RALYL: variants seen among roughly 807,000 people sequenced by gnomAD.
RALYL encodes RNA-binding Raly-like protein.
In RALYL, 29 loss-of-function variants were observed where a neutral mutation model predicts 35.1. That is an observed-to-expected ratio of 0.83 (90% CI 0.61 to 1.13). The LOEUF (loss-of-function observed/expected upper bound fraction) is 1.13, where lower values mean the gene tolerates loss of function less well. Among genes scored for constraint, RALYL ranks in the 50% most tolerant of loss-of-function variants. RALYL has a pLI of 0.00. For missense variants in RALYL, 359 were observed against 360.4 expected, an observed-to-expected ratio of 1.00 and a Z score of 0.03; for synonymous variants, 120 against 127.6, an observed-to-expected ratio of 0.94 and a Z score of 0.40.
At chr8:84,309,548 G>T (rs1051957614) in intron 1 of RALYL, among the ~76,000 whole-genome samples, 1 of 151,996 alleles carries the variant, frequency 6.6e-6, no homozygotes, top group African/African-American at 2.4e-5. Flanking sequence ...TAATGAAAAT[G>T]CTGAATATCC....
intron 4 of RALYL, among the ~76,000 whole-genome samples, chr8:84,815,076 G>GA (rs1290067431): frequency 6.6e-6 from 1 of 152,178 alleles, no homozygotes; most frequent in South Asian, 2.1e-4. Context: ...AGTCCCTTCA[G>GA]AAAATCTTCG....
At chr8:84,185,804 C>G (rs1006177899) in intron 1 of RALYL, among the ~76,000 whole-genome samples, 5 of 152,120 alleles carry the variant, frequency 3.3e-5, no homozygotes, top group Admixed American at 6.5e-5. Flanking sequence ...CTGCAACATA[C>G]AGAGGGGCCC....
chr8:84,328,469 C>G (rs981122534), intron 1 of RALYL, among the ~76,000 whole-genome samples: 1 of 152,156 alleles, frequency 6.6e-6, no homozygotes, highest in East Asian at 1.9e-4. Context: ...TTTCACATGT[C>G]AACAGCAATC....
At chr8:84,387,459 A>G (rs1489013113) in intron 1 of RALYL, among the ~76,000 whole-genome samples, 1 of 151,898 alleles carries the variant, frequency 6.6e-6, no homozygotes, top group Non-Finnish European at 1.5e-5. Context: ...TCCAGGCTGT[A>G]CTTAATTCAG....
intron 1 of RALYL, among the ~76,000 whole-genome samples, chr8:84,453,211 TAC>T (rs2049715386): frequency 6.6e-6 from 1 of 151,874 alleles, no homozygotes; most frequent in South Asian, 2.1e-4. Context: ...TATAAACATA[TAC>T]ATATATACAC....
chr8:84,276,800 T>A (rs939347360), intron 1 of RALYL, among the ~76,000 whole-genome samples: 1 of 152,212 alleles, frequency 6.6e-6, no homozygotes. Context: ...AGAGTTGTAT[T>A]GTGACTGAAG....
chr8:84,462,003 G>A (rs533698049), intron 1 of RALYL, among the ~76,000 whole-genome samples: 1 of 151,758 alleles, frequency 6.6e-6, no homozygotes, highest in South Asian at 2.1e-4. Flanking sequence ...TACCATTACA[G>A]TATCATACAA....
At position 84,388,224 on chromosome 8, in the gene RALYL, T is replaced by A. The variant is rs549878623; in HGVS notation, c.-23-141075T>A. 3.3e-5 allele frequency among the ~76,000 whole-genome samples: 5 copies of A among 152,312 alleles called. No individual in the cohort carries two copies. The South Asian group carries it at 1.0e-3, about 32-fold the overall frequency. ...TCCATGCTGTATATGTGCCACATTTTCTTAATCCAGTCTATCATTGTTGGA... is the reference window on the plus strand; with the variant it reads ...TCCATGCTGTATATGTGCCACATTTACTTAATCCAGTCTATCATTGTTGGA... On this transcript the variant is annotated intron_variant, in intron 1 of 8. Coordinates refer to ENST00000521268, the MANE Select transcript of RALYL (RefSeq NM_173848.7).
intron 8 of RALYL, among the ~76,000 whole-genome samples, chr8:84,889,420 T>C (rs562828739): frequency 1.7e-4 from 26 of 152,282 alleles, no homozygotes; most frequent in African/African-American, 6.3e-4. Flanking sequence ...GCTGACCACT[T>C]CCTTCTTCTG....
intron 1 of RALYL, among the ~76,000 whole-genome samples, chr8:84,409,471 G>T (rs1174243424): frequency 6.6e-6 from 1 of 151,964 alleles, no homozygotes; most frequent in South Asian, 2.1e-4. Context: ...TATTCTGTTG[G>T]TCCACCTGAT....
intron 8 of RALYL, among the ~76,000 whole-genome samples, chr8:84,916,897 C>G (rs1240857595): frequency 6.6e-6 from 1 of 152,016 alleles, no homozygotes; most frequent in Non-Finnish European, 1.5e-5. Context: ...CTTTATAATA[C>G]TTATAGGAAA....
At chr8:84,313,109 TG>T (rs1563716521) in intron 1 of RALYL, among the ~76,000 whole-genome samples, 1 of 152,186 alleles carries the variant, frequency 6.6e-6, no homozygotes, top group Non-Finnish European at 1.5e-5. Context: ...GCTTTGGACT[TG>T]GGCTCCCCTG....
chr8:84,215,265 C>T (rs1820521276), intron 1 of RALYL, among the ~76,000 whole-genome samples: 1 of 152,056 alleles, frequency 6.6e-6, no homozygotes, highest in South Asian at 2.1e-4. Context: ...GAGTAAATGT[C>T]ATAGCCATAA....
chr8:84,520,307 T>A (rs987124432), intron 1 of RALYL, among the ~76,000 whole-genome samples: 14 of 152,196 alleles, frequency 9.2e-5, no homozygotes, highest in Non-Finnish European at 1.9e-4. Context: ...TCACATGTGC[T>A]ACATTTCCTA....
chr8:84,249,772 A>G (rs1406642830), intron 1 of RALYL, among the ~76,000 whole-genome samples: 1 of 152,070 alleles, frequency 6.6e-6, no homozygotes, highest in Non-Finnish European at 1.5e-5. Context: ...ACTATACTAC[A>G]TGTAGAAGAT....
chr8:84,458,190 C>T (rs2050351952), intron 1 of RALYL, among the ~76,000 whole-genome samples: 1 of 151,760 alleles, frequency 6.6e-6, no homozygotes, highest in African/African-American at 2.4e-5. Flanking sequence ...GTACTTTGCT[C>T]TAATAGTTCC....
Position 84,205,000 on chromosome 8 carries a change from C to G in RALYL, c.-24+20576C>G, listed in dbSNP as rs374017542. 2.0e-5 allele frequency among the ~76,000 whole-genome samples: 3 copies of G among 152,216 alleles called. No individual in the cohort carries two copies. The South Asian group carries it at 6.2e-4, about 32-fold the overall frequency. ...TTGCCCAGGATGACAGGGCTAGTAACTAGCAGAGCTAAAACTTAAGCCCAG... is the reference window on the plus strand; with the variant it reads ...TTGCCCAGGATGACAGGGCTAGTAAGTAGCAGAGCTAAAACTTAAGCCCAG... On this transcript the variant is annotated intron_variant, in intron 1 of 8. Coordinates refer to ENST00000521268, the MANE Select transcript of RALYL (RefSeq NM_173848.7).
chr8:84,445,909 T>C (rs193131807), intron 1 of RALYL, among the ~76,000 whole-genome samples: 2,247 of 151,588 alleles, frequency 0.015, 29 homozygotes, highest in Middle Eastern at 0.065. Context: ...TTCTACTTTT[T>C]TAAAAGGAGG....
chr8:84,243,315 G>GT (rs1056733098), intron 1 of RALYL, among the ~76,000 whole-genome samples: 4 of 151,866 alleles, frequency 2.6e-5, no homozygotes, highest in African/African-American at 9.7e-5. Context: ...TATCCAGGCT[G>GT]TTTTTTTGTT....
Sources: gnomAD v4.1 joint callset for allele counts (sites outside exome capture counted in the v4.1 genomes callset) on GRCh38, gnomAD v4.1.1 for gene constraint, MANE v1.5 for transcripts, NCBI Gene and HGNC (gene_info 2026-07-23, HGNC 2026-07-21) for gene names.